Variants in PTPRN observed in about 807,000 individuals in gnomAD.
PTPRN encodes the protein protein tyrosine phosphatase receptor type N.
In PTPRN, 70 loss-of-function variants were observed where a neutral mutation model predicts 108.5. That is an observed-to-expected ratio of 0.65 (90% CI 0.53 to 0.79). PTPRN has a LOEUF of 0.79. Among genes scored for constraint, PTPRN ranks in the 30% least tolerant of loss-of-function variants. The pLI is 0.00. For missense variants in PTPRN, 1,136 were observed against 1,295.5 expected (o/e 0.88, Z 1.89); for synonymous variants, 496 against 524.6 (o/e 0.95, Z 0.75).
chr2:219,297,794 C>T lies in PTPRN; in HGVS notation c.1887+91G>A. The T allele has an allele frequency of 7.1e-7, 1 of 1,408,904 alleles. No individual in the cohort carries two copies. The highest frequency in any genetic ancestry group is 9.6e-7 in the Non-Finnish European group (1 of 1,038,066). 87.3% of individuals were successfully genotyped at this position (1,408,904 alleles called of 1,614,324 possible). ...CCTTCCCAGGGATGAGGGCTCACTC[C>T]CCATTCAGTTCCGACCCTTAGTCCA... On this transcript the variant is annotated intron_variant, in intron 13 of 22. Transcript: ENST00000295718. This position sits in a 1 kb window ranked among gnomAD's most constrained non-coding sequence, Gnocchi z 6.0.
chr2:219,303,740 C>A lies in PTPRN; in HGVS notation c.372G>T (p.Arg124Ser). 3 of 1,613,532 alleles carry A rather than the reference C, an allele frequency of 1.9e-6. No individual in the cohort carries two copies. Among genetic ancestry groups the A allele is most frequent in the Non-Finnish European group, 2.5e-6 (3 of 1,179,528 alleles). ...PRLRPPEPRP[R>S]DRSGLAPKRP... is the part of the protein sequence containing the mutation. The stretch of plus-strand genomic sequence containing the variant: ...TGTAGAGAAAGGCTGCCTACCTGTC[C>A]CTTGGACGGGGCTCTGGGGGGCGAA... Residue 124 changes from arginine to serine, a missense_variant, in exon 4 of 23, where the codon AGG (arginine) becomes AGT (serine). Arg to Ser is a moderately radical substitution (Grantham distance 110). Coordinates refer to ENST00000295718, the MANE Select transcript of PTPRN (RefSeq NM_002846.4).
At chr2:219,301,309 A>G (rs1952339682) in intron 7 of PTPRN, among the ~76,000 whole-genome samples, 1 of 144,904 alleles carries the variant, frequency 6.9e-6, no homozygotes, top group Admixed American at 6.7e-5. Context: ...ATTGTCACCA[A>G]CCCATCCTTC....
intron 9 of PTPRN, 70 bp from the exon 10 acceptor site, chr2:219,299,856 C>A: frequency 1.3e-6 from 2 of 1,557,786 alleles, no homozygotes; most frequent in Non-Finnish European, 8.8e-7. Flanking sequence ...AAACAGGCCA[C>A]TCCAGGGGTA....
At chr2:219,302,086 G>A in intron 6 of PTPRN, 51 bp downstream of exon 6, 1 of 1,470,372 alleles carries the variant, frequency 6.8e-7, no homozygotes, top group Non-Finnish European at 9.1e-7. Context: ...CCCCACCATG[G>A]TTCCCCCAAA....
chr2:219,308,104 G>T (rs1366367974), intron 1 of PTPRN: 1 of 480,026 alleles, frequency 2.1e-6, no homozygotes, highest in Non-Finnish European at 3.7e-6. Flanking sequence ...AAACCTTCCA[G>T]GTGCAGGGAG....
In PTPRN at chr2:219,302,426, C is replaced by T; in HGVS notation, c.705G>A (p.Leu235=). The T allele has an allele frequency of 1.2e-6, 2 of 1,614,168 alleles. No homozygotes were observed. The highest frequency in any genetic ancestry group is 1.7e-6 in the Non-Finnish European group (2 of 1,179,990). ...GSPGMVSVGP[L]PKAEAPALFS... is the part of the protein sequence containing the mutation. ...AGAGGGCAGGGGCTTCAGCCTTGGGCAGGGGGCCGACACTGACCATCCCTG... is the reference window on the plus strand; with the variant it reads ...AGAGGGCAGGGGCTTCAGCCTTGGGTAGGGGGCCGACACTGACCATCCCTG... Residue 235 remains leucine (L), a synonymous_variant, in exon 6 of 23, where the codon CTG becomes CTA. Coordinates refer to ENST00000295718, the MANE Select transcript of PTPRN (RefSeq NM_002846.4).
chr2:219,302,078 C>G (rs1952362187), intron 6 of PTPRN, 59 bp downstream of exon 6: 3 of 1,432,760 alleles, frequency 2.1e-6, no homozygotes, highest in Non-Finnish European at 2.8e-6. Context: ...GGGAAGGGCC[C>G]CACCATGGTT....
chr2:219,290,942 A>G lies in PTPRN; in HGVS notation c.2730-52T>C. ...AGCTTGAGATGCAGCAGAAAGGGGGAGGGACGGAGGAGGCGAGGAGGCCTG... is the reference window on the plus strand; with the variant it reads ...AGCTTGAGATGCAGCAGAAAGGGGGGGGGACGGAGGAGGCGAGGAGGCCTG... On this transcript the variant is annotated intron_variant, in intron 20 of 22. Transcript: ENST00000295718. The surrounding 1 kb of genome is among the most constrained non-coding windows in gnomAD (Gnocchi z 4.2). 2 of 1,566,266 alleles carry G rather than the reference A, an allele frequency of 1.3e-6. No homozygotes were observed. The highest frequency in any genetic ancestry group is 1.8e-6 in the Non-Finnish European group (2 of 1,137,054).
rs115147656 is a variant in PTPRN at position 219,298,727 on chromosome 2, C to A, written c.1668+320G>T. ...CTCTGTCTCAGACAAACAAACAAAA[C>A]ATATTTTGAGTATAATGTCCTTTCT... is the stretch of plus-strand genomic sequence containing the variant. On this transcript the variant is annotated intron_variant, in intron 12 of 22. Coordinates refer to ENST00000295718, the MANE Select transcript of PTPRN (RefSeq NM_002846.4). 4.2e-3 allele frequency among the ~76,000 whole-genome samples: 640 copies of A among 152,328 alleles called. 2 individuals carry two copies. Among genetic ancestry groups the A allele is most frequent in the Non-Finnish European group, 7.7e-3 (526 of 68,018 alleles).
At chr2:219,300,533 T>C (rs1952320093) in intron 8 of PTPRN, 1 of 468,682 alleles carries the variant, frequency 2.1e-6, no homozygotes, top group Admixed American at 3.8e-5. Context: ...GAAGCTGGGG[T>C]GAGGGTAAAA....
At chr2:219,299,174 T>G in intron 11 of PTPRN, 63 bp from the exon 12 acceptor site, 1 of 1,608,938 alleles carries the variant, frequency 6.2e-7, no homozygotes, top group Middle Eastern at 1.7e-4. Flanking sequence ...TCTGTCTTGC[T>G]CTGCCAAGCA....
rs747036395 is a variant in PTPRN at position 219,296,371 on chromosome 2, C to G, written c.2389-26G>C. On this transcript the variant is annotated intron_variant, in intron 17 of 22. Transcript: ENST00000295718. The surrounding 1 kb of genome is among the most constrained non-coding windows in gnomAD (Gnocchi z 6.0). ...CTAGGGACAGAGACCCAGTTGAGCT[C>G]CACTCTAACCTCCCTGGGACCTCGT... The G allele has an allele frequency of 6.2e-7, 1 of 1,614,168 alleles. No homozygotes were observed. Among genetic ancestry groups the G allele is most frequent in the Admixed American group, 1.7e-5 (1 of 60,022 alleles).
At chr2:219,307,584 G>C in intron 2 of PTPRN, 27 bp from the exon 3 acceptor site, 2 of 1,602,976 alleles carry the variant, frequency 1.2e-6, no homozygotes, top group South Asian at 2.2e-5. Flanking sequence ...GGTGTCAGCA[G>C]GGGGCTTGAA....
intron 19 of PTPRN, 97 bp downstream of exon 19, chr2:219,294,878 C>A: frequency 7.9e-7 from 1 of 1,268,732 alleles, no homozygotes; most frequent in Non-Finnish European, 1.0e-6. Context: ...GAGGCCGAGG[C>A]TCCAGGCCCG....
chr2:219,309,173 TGCTCCCC>T, intron 1 of PTPRN, 38 bp downstream of exon 1: 2 of 1,422,838 alleles, frequency 1.4e-6, no homozygotes, highest in Non-Finnish European at 1.9e-6. Flanking sequence ...GGCCCCAAGC[TGCTCCCC>T]GCCCCCCACC....
Position 219,300,125 on chromosome 2 carries a change from A to G in PTPRN, c.1296T>C (p.Pro432=). ...QQVPSPVSSE[P]PKAARPPVTP... The stretch of plus-strand genomic sequence containing the variant: ...TCACAGGGGGTCTGGCAGCTTTGGG[A>G]GGCTCAGAGGAGACAGGGCTTGGCA... The change falls in exon 9 of 23, where the codon CCT becomes CCC. Residue 432 remains proline, a synonymous_variant. Coordinates refer to ENST00000295718, the MANE Select transcript of PTPRN (RefSeq NM_002846.4). 1 of 1,613,952 alleles carries G rather than the reference A, an allele frequency of 6.2e-7. No homozygotes were observed. The highest frequency in any genetic ancestry group is 8.5e-7 in the Non-Finnish European group (1 of 1,179,952).
Position 219,297,425 on chromosome 2 carries a change from G to A in PTPRN, c.1896C>T (p.Cys632=). ...GDTTFEYQDL[C]RQHMATKSLF... is the part of the protein sequence containing the mutation. ...AGGACTTCGTGGCCATGTGCTGGCG[G>A]CACAGGTCCTGTGGAGGAAGAATCA... Residue 632 remains cysteine (C), a synonymous_variant, in exon 14 of 23, where the codon TGC becomes TGT. Transcript: ENST00000295718. The surrounding 1 kb of genome is among the most constrained non-coding windows in gnomAD (Gnocchi z 6.0). 2 of 1,614,098 alleles carry A rather than the reference G, an allele frequency of 1.2e-6. No individual in the cohort carries two copies. The highest frequency in any genetic ancestry group is 8.5e-7 in the Non-Finnish European group (1 of 1,180,038).
intron 7 of PTPRN, 114 bp from the exon 8 acceptor site, chr2:219,301,091 A>T: frequency 2.8e-6 from 3 of 1,059,900 alleles, no homozygotes; most frequent in Non-Finnish European, 4.3e-6. Context: ...TGTGGTCTTC[A>T]TCTCAGTCAG....
chr2:219,290,349 G>T lies in PTPRN; in HGVS notation c.2869-52C>A. 2 of 1,492,232 alleles carry T rather than the reference G, an allele frequency of 1.3e-6. No individual in the cohort carries two copies. The highest frequency in any genetic ancestry group is 1.9e-6 in the Non-Finnish European group (2 of 1,074,958). The allele number at this position is 1,492,232 out of a possible 1,614,324, so 92.4% of individuals were successfully genotyped here. On this transcript the variant is annotated intron_variant, in intron 22 of 22. Coordinates refer to ENST00000295718, the MANE Select transcript of PTPRN (RefSeq NM_002846.4). The surrounding 1 kb of genome is among the most constrained non-coding windows in gnomAD (Gnocchi z 4.2). ...CATGGAGAGGGCTGACCTGTGCTCT[G>T]CCCTCAAGATGGGGGGCTTTTGGTG...
Sources: gnomAD v4.1 joint callset for allele counts (sites outside exome capture counted in the v4.1 genomes callset) on GRCh38, gnomAD v4.1.1 for gene constraint, Gnocchi (gnomAD v3.1) non-coding constraint, MANE v1.5 for transcripts, NCBI Gene and HGNC (gene_info 2026-07-23, HGNC 2026-07-21) for gene names.